The following ACTR3C variants were observed in gnomAD, a reference collection of about 807,000 sequenced individuals.
ACTR3C encodes the protein actin related protein 3C.
A neutral mutation model predicts 26.3 loss-of-function variants in ACTR3C; 18 were observed. The ratio of observed to expected loss-of-function variants is 0.68; its 90% CI spans 0.47 to 1.01. The LOEUF (loss-of-function observed/expected upper bound fraction) is 1.01, where lower values mean the gene tolerates loss of function less well. ACTR3C is among the 50% of genes least tolerant of loss of function. ACTR3C has a pLI of 0.00. For missense variants in ACTR3C, 184 were observed against 250.7 expected, an observed-to-expected ratio of 0.73 and a Z score of 1.80; for synonymous variants, 55 against 94.5, an observed-to-expected ratio of 0.58 and a Z score of 2.42.
the ACTR3C span, among the ~76,000 whole-genome samples, chr7:149,934,444 T>C: frequency 6.6e-6 from 1 of 152,212 alleles, no homozygotes; most frequent in Non-Finnish European, 1.5e-5. Flanking sequence ...AAACTGTAAC[T>C]GCAGTCTAAT....
At chr7:150,142,433 C>T in the ACTR3C span, among the ~76,000 whole-genome samples, 8 of 152,226 alleles carry the variant, frequency 5.3e-5, no homozygotes, top group African/African-American at 1.9e-4. Flanking sequence ...CGCACTCCCC[C>T]AGCCCTGCGC....
the ACTR3C span, among the ~76,000 whole-genome samples, chr7:150,209,500 A>T: frequency 4.0e-3 from 601 of 150,404 alleles, 2 homozygotes; most frequent in African/African-American, 0.014. Flanking sequence ...TTTATGATCC[A>T]TTTCGAGTTA....
the ACTR3C span, among the ~76,000 whole-genome samples, chr7:149,925,377 T>C: frequency 1.5e-4 from 23 of 152,278 alleles, no homozygotes; most frequent in African/African-American, 5.5e-4. Context: ...CAAAGATCAC[T>C]TGGAGGAACA....
the ACTR3C span, among the ~76,000 whole-genome samples, chr7:150,068,932 C>T: frequency 4.3e-4 from 66 of 152,248 alleles, no homozygotes; most frequent in African/African-American, 1.5e-3. Flanking sequence ...TCTCCAAAGG[C>T]TGTTGAGTTA....
At chr7:149,961,869 G>A in the ACTR3C span, among the ~76,000 whole-genome samples, 2 of 151,892 alleles carry the variant, frequency 1.3e-5, no homozygotes, top group African/African-American at 4.8e-5. Flanking sequence ...AGGAAGTATG[G>A]GCTCACAGGA....
the ACTR3C span, among the ~76,000 whole-genome samples, chr7:150,099,957 C>T: frequency 1.3e-5 from 2 of 151,808 alleles, no homozygotes; most frequent in Non-Finnish European, 2.9e-5. Context: ...GAGCAGCTGG[C>T]ACCCATAAGT....
the ACTR3C span, among the ~76,000 whole-genome samples, chr7:150,104,523 G>A: frequency 6.6e-6 from 1 of 151,512 alleles, no homozygotes; most frequent in East Asian, 1.9e-4. Flanking sequence ...TCATCACAGT[G>A]GAGTGTCTCT....
chr7:149,906,647 G>A, the ACTR3C span, among the ~76,000 whole-genome samples: 15 of 145,204 alleles, frequency 1.0e-4, no homozygotes, highest in East Asian at 4.0e-4. Flanking sequence ...GGCCAGGCTG[G>A]TCTCAAATCC....
chr7:149,941,234 A>C, the ACTR3C span, among the ~76,000 whole-genome samples: 240 of 152,250 alleles, frequency 1.6e-3, no homozygotes, highest in African/African-American at 5.5e-3. Context: ...ATGGAAGTTT[A>C]CACTCACTGC....
chr7:150,007,905 G>C, the ACTR3C span, among the ~76,000 whole-genome samples: 1 of 152,152 alleles, frequency 6.6e-6, no homozygotes, highest in East Asian at 1.9e-4. Context: ...CATTAAGTTA[G>C]AAAATGATAG....
intron 6 of ACTR3C, among the ~76,000 whole-genome samples, chr7:150,284,406 C>T (rs1835594335): frequency 6.6e-6 from 1 of 151,980 alleles, no homozygotes; most frequent in Non-Finnish European, 1.5e-5. Flanking sequence ...ATTCGCTGGG[C>T]GTGGCGGCGT....
At chr7:150,173,883 CA>C in the ACTR3C span, among the ~76,000 whole-genome samples, 1 of 147,812 alleles carries the variant, frequency 6.8e-6, no homozygotes, top group East Asian at 2.0e-4. Context: ...TTTGCTAAAA[CA>C]CAACAAGAGT....
At chr7:150,028,651 G>A in the ACTR3C span, among the ~76,000 whole-genome samples, 1 of 152,244 alleles carries the variant, frequency 6.6e-6, no homozygotes, top group Non-Finnish European at 1.5e-5. Context: ...AGCAGCTGCT[G>A]TCTGGGAAGA....
the ACTR3C span, among the ~76,000 whole-genome samples, chr7:149,945,759 C>T: frequency 1.7e-4 from 26 of 152,276 alleles, no homozygotes; most frequent in African/African-American, 6.0e-4. Context: ...AAAACCACAT[C>T]GGGTTCTGGG....
chr7:149,917,912 T>C, the ACTR3C span, among the ~76,000 whole-genome samples: 1 of 151,730 alleles, frequency 6.6e-6, no homozygotes, highest in African/African-American at 2.4e-5. Flanking sequence ...CTTAAGATTT[T>C]TCACAGTTTA....
chr7:150,280,747 A>G (rs1835250226), intron 6 of ACTR3C, among the ~76,000 whole-genome samples: 1 of 152,064 alleles, frequency 6.6e-6, no homozygotes, highest in African/African-American at 2.4e-5. Context: ...ACATACCTGT[A>G]TCAAATCATC....
the ACTR3C span, among the ~76,000 whole-genome samples, chr7:150,119,868 A>T: frequency 1.3e-5 from 2 of 152,212 alleles, no homozygotes; most frequent in Non-Finnish European, 1.5e-5. Flanking sequence ...AAAGAACGGA[A>T]ATTAAAGCGA....
At chr7:150,261,628 G>A (rs1833642405) in intron 6 of ACTR3C, among the ~76,000 whole-genome samples, 1 of 152,206 alleles carries the variant, frequency 6.6e-6, no homozygotes. Flanking sequence ...CTTGAACCGG[G>A]GAGGCAGAGG....
chr7:150,216,953 T>C, the ACTR3C span, among the ~76,000 whole-genome samples: 1 of 142,208 alleles, frequency 7.0e-6, no homozygotes, highest in Non-Finnish European at 1.5e-5. Context: ...GCCACTGCAC[T>C]CTAGCCTGGC....
Sources: allele counts gnomAD v4.1 joint callset (sites outside exome capture counted in the v4.1 genomes callset), GRCh38; gene constraint gnomAD v4.1.1; transcripts MANE v1.5; gene names NCBI Gene and HGNC (gene_info 2026-07-23, HGNC 2026-07-21).